Variants in MAGI1 observed in about 807,000 individuals in gnomAD.
The protein encoded by MAGI1 is membrane associated guanylate kinase, WW and PDZ domain containing 1, also known as membrane-associated guanylate kinase, WW and PDZ domain-containing protein 1.
Under a neutral mutation model 139.9 loss-of-function variants are expected in MAGI1, and 58 were observed. The ratio of observed to expected loss-of-function variants is 0.41; its 90% CI spans 0.34 to 0.52. MAGI1 has a LOEUF of 0.52. Among genes scored for constraint, MAGI1 ranks in the 20% least tolerant of loss-of-function variants. MAGI1 has a pLI of 0.12. For missense variants in MAGI1, 1,874 were observed against 1,901.6 expected (o/e 0.99, Z 0.27); for synonymous variants, 812 against 737.9 (o/e 1.10, Z -1.63).
intron 1 of MAGI1, among the ~76,000 whole-genome samples, chr3:65,792,419 C>T (rs1302502814): frequency 6.6e-6 from 1 of 152,076 alleles, no homozygotes; most frequent in African/African-American, 2.4e-5. Context: ...GAGCGAAGAT[C>T]ATGCACTCCA....
At chr3:65,401,860 T>C (rs1431013568) in intron 12 of MAGI1, 1 of 985,186 alleles carries the variant, frequency 1.0e-6, no homozygotes, top group African/African-American at 1.7e-5. Flanking sequence ...CACTTGTCAA[T>C]TGAAACGGAC....
chr3:65,385,261 G>C (rs1943355314), intron 14 of MAGI1, among the ~76,000 whole-genome samples: 1 of 152,058 alleles, frequency 6.6e-6, no homozygotes, highest in Non-Finnish European at 1.5e-5. Context: ...AAGTAAAAGA[G>C]TTATTTCTAT....
At chr3:65,972,455 A>G (rs368768211) in intron 1 of MAGI1, among the ~76,000 whole-genome samples, 1,976 of 53,524 alleles carry the variant, frequency 0.037, 12 homozygotes, top group Non-Finnish European at 0.06. Context: ...TATTAAAATT[A>G]TAATAAATTA....
intron 12 of MAGI1, among the ~76,000 whole-genome samples, chr3:65,427,816 T>C (rs1397277975): frequency 1.3e-5 from 2 of 152,144 alleles, no homozygotes; most frequent in Admixed American, 1.3e-4. Context: ...GATTCTTCTA[T>C]AAGTGCCAGG....
intron 22 of MAGI1, chr3:65,360,220 A>C (rs1025062906): frequency 1.7e-5 from 17 of 985,370 alleles, no homozygotes; most frequent in South Asian, 4.7e-5. Context: ...TTCAGAAAAG[A>C]GGGTGATAAT....
intron 3 of MAGI1, among the ~76,000 whole-genome samples, chr3:65,479,295 G>A (rs1289657563): frequency 6.6e-6 from 1 of 152,092 alleles, no homozygotes; most frequent in South Asian, 2.1e-4. Context: ...ACCCCACGTG[G>A]CGCCTCTTTA....
At chr3:65,711,649 A>G (rs2031437490) in intron 1 of MAGI1, among the ~76,000 whole-genome samples, 2 of 152,286 alleles carry the variant, frequency 1.3e-5, no homozygotes, top group Admixed American at 6.5e-5. Flanking sequence ...CGCCTAATCC[A>G]ATACAATTGG....
intron 1 of MAGI1, among the ~76,000 whole-genome samples, chr3:65,793,827 A>T (rs886965950): frequency 6.6e-6 from 1 of 152,230 alleles, no homozygotes; most frequent in Non-Finnish European, 1.5e-5. Flanking sequence ...GCACAGCTAT[A>T]TCTCTGCACC....
At chr3:65,570,107 ATTATTATTATTC>A (rs1045326739) in intron 2 of MAGI1, among the ~76,000 whole-genome samples, 15 of 145,950 alleles carry the variant, frequency 1.0e-4, no homozygotes, top group African/African-American at 3.8e-4. Context: ...TATTATTATT[ATTATTATTATTC>A]TGAGACACAG....
intron 1 of MAGI1, among the ~76,000 whole-genome samples, chr3:65,627,903 T>G (rs965470133): frequency 2.0e-5 from 3 of 152,024 alleles, no homozygotes; most frequent in African/African-American, 7.2e-5. Flanking sequence ...TTACAGAATG[T>G]TAAGCATGTT....
intron 2 of MAGI1, among the ~76,000 whole-genome samples, chr3:65,552,566 T>C (rs1159858548): frequency 6.6e-6 from 1 of 152,128 alleles, no homozygotes; most frequent in Non-Finnish European, 1.5e-5. Context: ...CTCTCAAGAC[T>C]ATGGGTAAAT....
chr3:65,429,890 T>C lies in MAGI1; in HGVS notation c.1797A>G (p.Thr599=), dbSNP rs772759022. The change falls in exon 12 of 23, where the codon ACA becomes ACG. Residue 599 remains threonine (T), a synonymous_variant. Transcript: ENST00000402939. ...YDSPASHSSK[T]GKVNGMKDAR... ...CATCCTTCATGCCATTGACTTTGCC[T>C]GTTTTACTACTGTGGCTAGCTGGTG... 18 of 1,614,092 alleles carry C rather than the reference T, an allele frequency of 1.1e-5. No individual in the cohort carries two copies. In the Admixed American group the frequency reaches 2.8e-4, roughly 25 times the overall value.
chr3:65,785,296 A>C (rs1397811857), intron 1 of MAGI1, among the ~76,000 whole-genome samples: 1 of 152,204 alleles, frequency 6.6e-6, no homozygotes, highest in East Asian at 1.9e-4. Flanking sequence ...CCGAGTGTCT[A>C]ACATACAGGG....
intron 15 of MAGI1, among the ~76,000 whole-genome samples, chr3:65,382,624 T>C (rs1943145213): frequency 6.6e-6 from 1 of 152,182 alleles, no homozygotes; most frequent in Non-Finnish European, 1.5e-5. Flanking sequence ...GCTAAAATAT[T>C]TGTGCCTGCC....
Position 66,026,927 on chromosome 3 carries a change from T to C in MAGI1, c.313+11069A>G, listed in dbSNP as rs1230588440. On this transcript the variant is annotated intron_variant, in intron 1 of 22. Transcript: ENST00000402939. ...GACATGAGGGCTCCAGGCTATGGGG[T>C]AGACACATTTCTTTCTTTTTTCTTT... Among the ~76,000 whole-genome samples the C allele has an allele frequency of 2.0e-5, 3 of 151,814 alleles. No individual in the cohort carries two copies. The East Asian group carries it at 5.8e-4, about 29-fold the overall frequency.
At chr3:65,922,389 A>C (rs1385206419) in intron 1 of MAGI1, among the ~76,000 whole-genome samples, 1 of 152,148 alleles carries the variant, frequency 6.6e-6, no homozygotes, top group Non-Finnish European at 1.5e-5. Flanking sequence ...AACCAATATG[A>C]CTGGTGTCCT....
At chr3:65,671,627 T>C (rs1488597101) in intron 1 of MAGI1, among the ~76,000 whole-genome samples, 4 of 152,006 alleles carry the variant, frequency 2.6e-5, no homozygotes, top group African/African-American at 9.7e-5. Context: ...TGTCAAGGGG[T>C]CCCATAGAAT....
chr3:65,579,336 T>C (rs563624365), intron 2 of MAGI1, among the ~76,000 whole-genome samples: 1 of 152,242 alleles, frequency 6.6e-6, no homozygotes, highest in African/African-American at 2.4e-5. Flanking sequence ...GGTGGGACCA[T>C]TTGATCCCAG....
chr3:65,806,520 C>T (rs1412397553), intron 1 of MAGI1, among the ~76,000 whole-genome samples: 3 of 152,202 alleles, frequency 2.0e-5, no homozygotes, highest in Admixed American at 6.5e-5. Flanking sequence ...ACCTCACTTC[C>T]GTTTTCTGTA....
Sources: allele counts gnomAD v4.1 joint callset (sites outside exome capture counted in the v4.1 genomes callset), GRCh38; gene constraint gnomAD v4.1.1; transcripts MANE v1.5; gene names NCBI Gene and HGNC (gene_info 2026-07-23, HGNC 2026-07-21).